Variants in FDPS observed in about 807,000 individuals in gnomAD.
FDPS encodes the protein farnesyl pyrophosphate synthase.
Under a neutral mutation model 49.5 loss-of-function variants are expected in FDPS, and 29 were observed. That is an observed-to-expected ratio of 0.59 (90% confidence interval 0.44 to 0.80). The LOEUF is 0.80. FDPS is among the 30% of genes least tolerant of loss of function. The pLI is 0.00. For missense variants in FDPS, 414 were observed against 525.6 expected (o/e 0.79, Z 2.08); for synonymous variants, 172 against 206.4 (o/e 0.83, Z 1.43).
chr1:155,315,801 A>G (rs997938477), intron 4 of FDPS, among the ~76,000 whole-genome samples: 1 of 151,466 alleles, frequency 6.6e-6, no homozygotes, highest in Admixed American at 6.6e-5. Context: ...CGGGAGGCGG[A>G]GGTTGCAGTG....
Position 155,318,991 on chromosome 1 carries a change from G to C in FDPS, c.846+63G>C. The stretch of plus-strand genomic sequence containing the variant: ...GGGGGCTTTTGGACAGCAAGGCATA[G>C]AGCAGAAAACGTGAACACTGCTACC... On this transcript the variant is annotated intron_variant, in intron 8 of 10. Transcript: ENST00000368356. This position sits in a 1 kb window ranked among gnomAD's most constrained non-coding sequence, Gnocchi z 4.2. The C allele has an allele frequency of 7.8e-7, 1 of 1,282,302 alleles. No individual in the cohort carries two copies. The highest frequency in any genetic ancestry group is 1.2e-5 in the South Asian group (1 of 84,040). The allele number at this position is 1,282,302 out of a possible 1,614,324, so 79.4% of individuals were successfully genotyped here.
Position 155,312,364 on chromosome 1 carries a change from G to A in FDPS, c.449G>A (p.Arg150Gln), listed in dbSNP as rs373639609. The change falls in exon 4 of 11, where the codon CGG becomes CAG. Residue 150 changes from arginine (R) to glutamine (Q), a missense_variant. Coordinates refer to ENST00000368356, the MANE Select transcript of FDPS (RefSeq NM_002004.4). ...AAACAGGATGCTGATAGTCTCCAGC[G>A]GGCCTGGACTGTGGGCTGGTGTGTG... ...PRKQDADSLQ[R>Q]AWTVGWCVEL... 1.2e-5 allele frequency: 20 copies of A among 1,614,106 alleles called. No individual in the cohort carries two copies. The highest frequency in any genetic ancestry group is 1.1e-4 in the African/African-American group (8 of 75,038).
chr1:155,309,800 C>A lies in FDPS; in HGVS notation c.11C>A (p.Ser4Tyr). Residue 4 changes from serine to tyrosine, a missense_variant, in exon 2 of 11, where the codon TCC (serine) becomes TAC (tyrosine). By Grantham distance (144) the Ser-to-Tyr change is moderately radical (BLOSUM62 -2). Coordinates refer to ENST00000368356, the MANE Select transcript of FDPS (RefSeq NM_002004.4). MPL[S>Y]RWLRSVGVFL... is the part of the protein sequence containing the mutation. ...TATGCCACTCCCAGGATGCCCCTGT[C>A]CCGCTGGTTGAGATCTGTGGGGGTC... The A allele has an allele frequency of 6.4e-7, 1 of 1,555,012 alleles. No individual in the cohort carries two copies. The highest frequency in any genetic ancestry group is 8.7e-7 in the Non-Finnish European group (1 of 1,143,660).
intron 4 of FDPS, among the ~76,000 whole-genome samples, chr1:155,316,037 G>T (rs192148502): frequency 2.8e-4 from 43 of 152,014 alleles, no homozygotes; most frequent in African/African-American, 8.4e-4. Flanking sequence ...GATGGATCAC[G>T]TGAGGTCAGG....
exon 11 of FDPS, chr1:155,320,642 CTCAATAAATAATCGTGTAACCT>C: frequency 6.2e-7 from 1 of 1,609,432 alleles, no homozygotes; most frequent in Admixed American, 1.7e-5. Context: ...AGAGGAGGCT[CTCAATAAATAATCGTGTAACCT>C]TCTTGTGGTT....
intron 1 of FDPS, chr1:155,309,510 C>T (rs973615293): frequency 2.8e-6 from 1 of 359,988 alleles, no homozygotes; most frequent in Non-Finnish European, 5.0e-6. Context: ...TTACTCTGTA[C>T]CGCCTCCTTA....
intron 4 of FDPS, among the ~76,000 whole-genome samples, chr1:155,316,036 C>T (rs576384311): frequency 3.4e-4 from 51 of 152,180 alleles, no homozygotes; most frequent in Non-Finnish European, 5.6e-4. Flanking sequence ...GGATGGATCA[C>T]GTGAGGTCAG....
In FDPS at chr1:155,318,227, G is replaced by T; in HGVS notation, c.620G>T (p.Arg207Leu). 1 of 1,613,928 alleles carries T rather than the reference G, an allele frequency of 6.2e-7. No individual in the cohort carries two copies. Among genetic ancestry groups the T allele is most frequent in the Non-Finnish European group, 8.5e-7 (1 of 1,179,994 alleles). ...DANLLEACIYRLLKLYCREQP... is the reference protein window; with the variant it reads ...DANLLEACIYLLLKLYCREQP... ...AACCTCCTGGAAGCATGTATCTACC[G>T]CCTGCTGAAGCTCTATTGCCGGGAG... The change falls in exon 6 of 11, where the codon CGC (arginine) becomes CTC (leucine). Residue 207 changes from arginine to leucine, a missense_variant. Arg to Leu is a moderately radical substitution (Grantham distance 102). Transcript: ENST00000368356. The surrounding 1 kb of genome is among the most constrained non-coding windows in gnomAD (Gnocchi z 4.2).
At position 155,310,116 on chromosome 1, in the gene FDPS, G is replaced by A. The variant is rs371323486; in HGVS notation, c.250G>A (p.Val84Ile). The change falls in exon 3 of 11, where the codon GTT (valine) becomes ATT (isoleucine). Residue 84 changes from valine to isoleucine, a missense_variant. Coordinates refer to ENST00000368356, the MANE Select transcript of FDPS (RefSeq NM_002004.4). Reference sequence around the variant, plus strand: ...TTATGCCCAAGAAAAGCAGGATTTCGTTCAGCACTTCTCCCAGATCGTTAG... The same window carrying A: ...TTATGCCCAAGAAAAGCAGGATTTCATTCAGCACTTCTCCCAGATCGTTAG... ...DVYAQEKQDF[V>I]QHFSQIVRVL... 12 of 1,613,854 alleles carry A rather than the reference G, an allele frequency of 7.4e-6. No individual in the cohort carries two copies. Among genetic ancestry groups the A allele is most frequent in the Middle Eastern group, 1.6e-4 (1 of 6,072 alleles).
chr1:155,316,660 A>G (rs1385295671), intron 4 of FDPS, among the ~76,000 whole-genome samples: 1 of 151,922 alleles, frequency 6.6e-6, no homozygotes, highest in African/African-American at 2.4e-5. Flanking sequence ...TGGTGGTGGC[A>G]GGTGCCTGTA....
intron 4 of FDPS, among the ~76,000 whole-genome samples, chr1:155,316,062 C>G (rs1428538508): frequency 6.6e-6 from 1 of 151,954 alleles, no homozygotes; most frequent in East Asian, 1.9e-4. Flanking sequence ...CGAGACCAGC[C>G]TGACCAACAT....
intron 4 of FDPS, among the ~76,000 whole-genome samples, chr1:155,313,878 G>A (rs2148237178): frequency 6.6e-6 from 1 of 152,154 alleles, no homozygotes; most frequent in Middle Eastern, 3.4e-3. Context: ...GAGTGCAGTG[G>A]CACCATCTTG....
At chr1:155,316,239 G>A (rs1047801187) in intron 4 of FDPS, among the ~76,000 whole-genome samples, 1 of 152,060 alleles carries the variant, frequency 6.6e-6, no homozygotes, top group African/African-American at 2.4e-5. Context: ...TGGACAATGA[G>A]AGTGAAACTC....
Sources: allele counts gnomAD v4.1 joint callset (sites outside exome capture counted in the v4.1 genomes callset), GRCh38; gene constraint gnomAD v4.1.1; non-coding constraint Gnocchi (gnomAD v3.1); transcripts MANE v1.5; gene names NCBI Gene and HGNC (gene_info 2026-07-23, HGNC 2026-07-21).